The following EXOC6 variants were observed in gnomAD, a reference collection of about 807,000 sequenced individuals.
The protein encoded by EXOC6 is SEC15-like 1.
In EXOC6, 60 loss-of-function variants were observed where a neutral mutation model predicts 112.5. The ratio of observed to expected loss-of-function variants is 0.53; its 90% CI spans 0.43 to 0.66. The LOEUF (loss-of-function observed/expected upper bound fraction) is 0.66, where lower values mean the gene tolerates loss of function less well. Among genes scored for constraint, EXOC6 ranks in the 30% least tolerant of loss-of-function variants. The pLI is 0.00. For missense variants in EXOC6, 855 were observed against 957.1 expected, an observed-to-expected ratio of 0.89 and a Z score of 1.41; for synonymous variants, 295 against 308.0, an observed-to-expected ratio of 0.96 and a Z score of 0.44.
At chr10:92,963,423 G>T (rs1233099577) in intron 17 of EXOC6, among the ~76,000 whole-genome samples, 2 of 151,834 alleles carry the variant, frequency 1.3e-5, no homozygotes, top group African/African-American at 4.8e-5. Flanking sequence ...ACCTACCTTT[G>T]TAATAGAACA....
At chr10:92,911,968 TG>T (rs1850809487) in intron 6 of EXOC6, among the ~76,000 whole-genome samples, 1 of 149,208 alleles carries the variant, frequency 6.7e-6, no homozygotes, top group Non-Finnish European at 1.5e-5. Context: ...TGTGTGTGTG[TG>T]TGTGTTTGTG....
At chr10:92,922,902 G>A (rs1003602132) in intron 8 of EXOC6, among the ~76,000 whole-genome samples, 55 of 152,214 alleles carry the variant, frequency 3.6e-4, no homozygotes, top group African/African-American at 1.3e-3. Flanking sequence ...CTTTCCAAGG[G>A]GCCCTGGGCT....
intron 5 of EXOC6, 181 bp downstream of exon 5, chr10:92,899,825 T>C: frequency 2.0e-6 from 1 of 488,898 alleles, no homozygotes; most frequent in Non-Finnish European, 3.6e-6. Context: ...CTTTTATTAA[T>C]AAATCATTGT....
intron 11 of EXOC6, 46 bp downstream of exon 11, chr10:92,934,476 C>G: frequency 2.0e-6 from 3 of 1,488,742 alleles, no homozygotes; most frequent in Non-Finnish European, 2.7e-6. Context: ...TCAGTTACTT[C>G]AAGAACTTCT....
chr10:92,834,684 G>T, upstream of EXOC6: 1 of 1,370,860 alleles, frequency 7.3e-7, no homozygotes, highest in South Asian at 1.3e-5. Context: ...AATTACAACA[G>T]TTTTTCACTC....
At chr10:93,000,005 T>A (rs984913873) in intron 19 of EXOC6, among the ~76,000 whole-genome samples, 6 of 152,150 alleles carry the variant, frequency 3.9e-5, no homozygotes, top group African/African-American at 9.7e-5. Context: ...TGCCTAGCCC[T>A]GTGCCTAATT....
At chr10:92,858,310 T>C (rs183033517) in intron 1 of EXOC6, among the ~76,000 whole-genome samples, 60 of 152,292 alleles carry the variant, frequency 3.9e-4, no homozygotes, top group African/African-American at 1.3e-3. Flanking sequence ...TAAATAGTCA[T>C]TCTGTTCCTT....
chr10:92,996,927 T>G (rs896392513), intron 18 of EXOC6, among the ~76,000 whole-genome samples: 1 of 152,052 alleles, frequency 6.6e-6, no homozygotes, highest in Non-Finnish European at 1.5e-5. Context: ...TTTCTGCCAG[T>G]GATTGAAGCT....
chr10:92,836,218 C>T (rs1473989950), intron 1 of EXOC6, among the ~76,000 whole-genome samples: 1 of 152,214 alleles, frequency 6.6e-6, no homozygotes, highest in East Asian at 1.9e-4. Flanking sequence ...CCCGGTCTCA[C>T]AACACTGGCC....
At chr10:92,886,805 C>T (rs1849239147) in intron 1 of EXOC6, among the ~76,000 whole-genome samples, 1 of 152,168 alleles carries the variant, frequency 6.6e-6, no homozygotes, top group African/African-American at 2.4e-5. Flanking sequence ...TTGGGACAGC[C>T]TGAGACTTAG....
chr10:92,915,754 A>G lies in EXOC6; in HGVS notation c.664-4A>G, dbSNP rs772943504. 1 of 1,513,610 alleles carries G rather than the reference A, an allele frequency of 6.6e-7. No homozygotes were observed. The highest frequency in any genetic ancestry group is 8.8e-7 in the Non-Finnish European group (1 of 1,142,494). The allele number at this position is 1,513,610 out of a possible 1,614,324, so 93.8% of individuals were successfully genotyped here. A position where few individuals can be genotyped will look rare whatever the true frequency, so the allele number is the denominator to read the frequency against. On this transcript the variant is annotated splice_region_variant and splice_polypyrimidine_tract_variant and intron_variant, in intron 6 of 21. Coordinates refer to ENST00000260762, the MANE Select transcript of EXOC6 (RefSeq NM_019053.6). The stretch of plus-strand genomic sequence containing the variant: ...TAATCTGAATTTCTCTCTCTTCAAA[A>G]TAGGCACAGCATCAGAAAACCTTCA...
intron 18 of EXOC6, among the ~76,000 whole-genome samples, chr10:92,996,489 C>T (rs961262963): frequency 1.3e-5 from 2 of 151,874 alleles, no homozygotes; most frequent in African/African-American, 2.4e-5. Flanking sequence ...TGGTGGTGGG[C>T]ACCTGTAGTC....
At chr10:92,922,078 T>C (rs1851476147) in intron 8 of EXOC6, among the ~76,000 whole-genome samples, 2 of 152,088 alleles carry the variant, frequency 1.3e-5, no homozygotes, top group South Asian at 4.1e-4. Context: ...CCCAAGTAGC[T>C]GGGATTACAG....
intron 20 of EXOC6, among the ~76,000 whole-genome samples, chr10:93,029,863 A>AAATT (rs1845193321): frequency 6.6e-6 from 1 of 151,164 alleles, no homozygotes; most frequent in African/African-American, 2.4e-5. Flanking sequence ...CAATTGACCT[A>AAATT]GCATCATTTA....
upstream of EXOC6, among the ~76,000 whole-genome samples, chr10:92,832,221 A>T (rs572280478): frequency 2.0e-5 from 3 of 152,188 alleles, no homozygotes; most frequent in Admixed American, 6.5e-5. Flanking sequence ...AGCTTTCACA[A>T]TCATTCATTC....
At chr10:93,053,557 GGA>G (rs1486764703) in intron 20 of EXOC6, among the ~76,000 whole-genome samples, 2 of 152,168 alleles carry the variant, frequency 1.3e-5, no homozygotes. Context: ...TGAAAAGCTG[GGA>G]GAGATACAGG....
chr10:93,014,374 C>T, intron 20 of EXOC6, 107 bp downstream of exon 20: 1 of 840,904 alleles, frequency 1.2e-6, no homozygotes, highest in Non-Finnish European at 2.0e-6. Flanking sequence ...CTTGAAACAA[C>T]CTATCTTAAG....
At chr10:92,896,181 AT>A (rs58783356) in intron 4 of EXOC6, among the ~76,000 whole-genome samples, 1 of 10,232 alleles carries the variant, frequency 9.8e-5, no homozygotes, top group Non-Finnish European at 1.4e-4. Flanking sequence ...ATATATATAT[AT>A]TTTTTTTTTT....
chr10:92,922,344 AT>A (rs1851494178), intron 8 of EXOC6, among the ~76,000 whole-genome samples: 1 of 152,174 alleles, frequency 6.6e-6, no homozygotes, highest in African/African-American at 2.4e-5. Flanking sequence ...TACTTCCCTT[AT>A]TTGAGTTCCT....
Sources: allele counts gnomAD v4.1 joint callset (sites outside exome capture counted in the v4.1 genomes callset), GRCh38; gene constraint gnomAD v4.1.1; transcripts MANE v1.5; gene names NCBI Gene and HGNC (gene_info 2026-07-23, HGNC 2026-07-21).